The following FBXL13 variants were observed in gnomAD, a reference collection of about 807,000 sequenced individuals.
FBXL13 encodes the protein F-box and leucine rich repeat protein 13.
Under a neutral mutation model 83.6 loss-of-function variants are expected in FBXL13, and 67 were observed. The observed-to-expected ratio is 0.80, with a 90% CI of 0.66 to 0.98. The LOEUF is 0.98. FBXL13 is among the 50% of genes least tolerant of loss of function. The pLI is 0.00. For synonymous variants in FBXL13, 272 were observed against 299.5 expected, an observed-to-expected ratio of 0.91 and a Z score of 0.95; for missense variants, 822 against 866.5, an observed-to-expected ratio of 0.95 and a Z score of 0.64.
intron 1 of FBXL13, among the ~76,000 whole-genome samples, chr7:103,059,035 G>A (rs1797606471): frequency 6.6e-6 from 1 of 152,146 alleles, no homozygotes; most frequent in Non-Finnish European, 1.5e-5. Flanking sequence ...CAAGGTGGGA[G>A]GTTTGCTTGA....
intron 8 of FBXL13, among the ~76,000 whole-genome samples, chr7:102,954,884 T>G (rs1824002054): frequency 6.6e-6 from 1 of 152,102 alleles, no homozygotes; most frequent in Non-Finnish European, 1.5e-5. Flanking sequence ...GTTTCCAGAT[T>G]CATAAAACAA....
At chr7:103,034,017 C>A (rs1215028133) in intron 2 of FBXL13, among the ~76,000 whole-genome samples, 35 of 149,806 alleles carry the variant, frequency 2.3e-4, no homozygotes, top group East Asian at 7.9e-4. Context: ...TACAGAGTGT[C>A]GATTGGTGCA....
At chr7:103,017,503 G>T (rs1364971284) in intron 6 of FBXL13, among the ~76,000 whole-genome samples, 5 of 152,166 alleles carry the variant, frequency 3.3e-5, no homozygotes, top group African/African-American at 1.2e-4. Flanking sequence ...GAGAGAAGAA[G>T]GCTTCAGACG....
intron 11 of FBXL13, among the ~76,000 whole-genome samples, chr7:102,906,497 C>T (rs77172001): frequency 5.9e-5 from 9 of 152,068 alleles, no homozygotes; most frequent in East Asian, 1.9e-4. Flanking sequence ...CTTTTCTTTC[C>T]GATTGAAGTA....
chr7:102,875,083 T>C (rs978170169), intron 16 of FBXL13, among the ~76,000 whole-genome samples: 1 of 152,202 alleles, frequency 6.6e-6, no homozygotes. Flanking sequence ...GCTTTGATTC[T>C]CTACTTCTTG....
intron 6 of FBXL13, among the ~76,000 whole-genome samples, chr7:102,998,244 G>C (rs1360405164): frequency 1.3e-5 from 2 of 152,034 alleles, no homozygotes; most frequent in Non-Finnish European, 2.9e-5. Flanking sequence ...CAAATTATTT[G>C]TTCTTTTTAT....
intron 16 of FBXL13, among the ~76,000 whole-genome samples, chr7:102,860,675 T>C (rs904815599): frequency 7.0e-6 from 1 of 143,584 alleles, no homozygotes; most frequent in South Asian, 2.4e-4. Context: ...AATGTTGGAA[T>C]GCTCTGTGTG....
At chr7:102,865,532 T>G (rs79180063) in intron 16 of FBXL13, among the ~76,000 whole-genome samples, 1 of 152,068 alleles carries the variant, frequency 6.6e-6, no homozygotes, top group East Asian at 1.9e-4. Context: ...GTGTTTTTTT[T>G]GTTTGATTGT....
At chr7:102,878,222 T>G in intron 15 of FBXL13, 109 bp downstream of exon 16, 2 of 964,932 alleles carry the variant, frequency 2.1e-6, no homozygotes, top group Non-Finnish European at 2.8e-6. Context: ...TCTGGGCATC[T>G]CTGATGTTCC....
intron 1 of FBXL13, among the ~76,000 whole-genome samples, chr7:103,058,875 T>G (rs1442159151): frequency 2.0e-5 from 3 of 152,232 alleles, no homozygotes; most frequent in African/African-American, 7.2e-5. Context: ...AAAGCTATCC[T>G]GCAGAAGTCA....
At chr7:103,054,944 G>A (rs1253189262) in intron 2 of FBXL13, 144 bp downstream of exon 3, 1 of 384,094 alleles carries the variant, frequency 2.6e-6, no homozygotes, top group Non-Finnish European at 4.9e-6. Context: ...CTGTGTATGT[G>A]TGTGGCTATT....
At chr7:102,852,578 T>C (rs1805427581) in intron 17 of FBXL13, among the ~76,000 whole-genome samples, 1 of 151,620 alleles carries the variant, frequency 6.6e-6, no homozygotes, top group South Asian at 2.1e-4. Context: ...AACAAACATA[T>C]GAAAAAAAAT....
intron 6 of FBXL13, among the ~76,000 whole-genome samples, chr7:103,016,146 A>G (rs1329215237): frequency 6.6e-6 from 1 of 152,230 alleles, no homozygotes; most frequent in Non-Finnish European, 1.5e-5. Flanking sequence ...TTTTCACAGA[A>G]TTAGAAAAAA....
intron 8 of FBXL13, among the ~76,000 whole-genome samples, chr7:102,953,720 T>G (rs916039292): frequency 6.6e-6 from 1 of 152,188 alleles, no homozygotes; most frequent in African/African-American, 2.4e-5. Context: ...AGCTTCCAGA[T>G]AAGCATGCCT....
At chr7:102,938,086 A>C (rs1341530563) in intron 8 of FBXL13, among the ~76,000 whole-genome samples, 1 of 152,226 alleles carries the variant, frequency 6.6e-6, no homozygotes, top group African/African-American at 2.4e-5. Context: ...TTGCCAAGAA[A>C]TCCTAGTGTT....
chr7:102,924,497 T>C (rs905259767), intron 10 of FBXL13, among the ~76,000 whole-genome samples: 3 of 152,144 alleles, frequency 2.0e-5, no homozygotes, highest in Admixed American at 6.5e-5. Context: ...GAAAGCTTTA[T>C]AGATTTGACT....
At chr7:103,019,590 G>A (rs745684066) in intron 6 of FBXL13, among the ~76,000 whole-genome samples, 1 of 152,128 alleles carries the variant, frequency 6.6e-6, no homozygotes, top group African/African-American at 2.4e-5. Context: ...GACTCATAAA[G>A]AAGAAAAGAG....
chr7:102,894,766 A>G (rs1486190301), intron 11 of FBXL13, among the ~76,000 whole-genome samples: 1 of 151,518 alleles, frequency 6.6e-6, no homozygotes, highest in Non-Finnish European at 1.5e-5. Flanking sequence ...GAGAGAAAAT[A>G]CTTTCATTTT....
rs1232363692 is a variant in FBXL13 at position 103,024,833 on chromosome 7, G to GTATA, written c.495+226_495+229dup. Among the ~76,000 whole-genome samples the GTATA allele has an allele frequency of 2.1e-3, 201 of 95,954 alleles. 2 individuals carry two copies. Among genetic ancestry groups the GTATA allele is most frequent in the South Asian group, 6.2e-3 (16 of 2,596 alleles). 62.9% of individuals were successfully genotyped at this position (95,954 alleles called of 152,430 possible). A position where few individuals can be genotyped will look rare whatever the true frequency, so the allele number is the denominator to read the frequency against. On this transcript the variant is annotated intron_variant, in intron 6 of 19. Coordinates refer to ENST00000313221, the Ensembl canonical transcript of FBXL13. ...CATACATATATATGTATATATATGT[G>GTATA]TATATATATATATATATATATATAT...
Sources: allele counts gnomAD v4.1 joint callset (sites outside exome capture counted in the v4.1 genomes callset), GRCh38; gene constraint gnomAD v4.1.1; transcripts MANE v1.5; gene names NCBI Gene and HGNC (gene_info 2026-07-23, HGNC 2026-07-21).